STAB2: variants seen among roughly 807,000 people sequenced by gnomAD.
STAB2 encodes the protein stabilin-2.
STAB2 carries 288 observed loss-of-function variants against 338.1 expected under a neutral mutation model. The ratio of observed to expected loss-of-function variants is 0.85; its 90% CI spans 0.77 to 0.94. STAB2 has a LOEUF of 0.94. Ranked by LOEUF, STAB2 falls within the 40% of genes least tolerant of loss-of-function variation. The pLI is 0.00. For synonymous variants in STAB2, 1,202 were observed against 1,193.3 expected, an observed-to-expected ratio of 1.01 and a Z score of -0.15; for missense variants, 3,141 against 3,210.1, an observed-to-expected ratio of 0.98 and a Z score of 0.52.
intron 40 of STAB2, among the ~76,000 whole-genome samples, chr12:103,711,895 G>T: frequency 6.6e-6 from 1 of 152,178 alleles, no homozygotes. Flanking sequence ...AATGAATTAA[G>T]TACCTAGTAG....
chr12:103,748,577 C>T (rs1883265707), intron 58 of STAB2, among the ~76,000 whole-genome samples: 2 of 146,326 alleles, frequency 1.4e-5, no homozygotes, highest in South Asian at 4.3e-4. Flanking sequence ...ATTGTACTAA[C>T]TCTACACCAC....
intron 31 of STAB2, 80 bp downstream of exon 31, chr12:103,692,969 T>A (rs557969789): frequency 3.3e-5 from 38 of 1,159,748 alleles, no homozygotes; most frequent in African/African-American, 1.9e-4. Flanking sequence ...TTTTTTTTTT[T>A]AAATAGAAAA....
chr12:103,755,760 G>T (rs1298353925), intron 63 of STAB2, 42 bp downstream of exon 63: 1 of 1,601,820 alleles, frequency 6.2e-7, no homozygotes, highest in Non-Finnish European at 8.6e-7. Flanking sequence ...GCAGGGAGGG[G>T]TTGCCTCAAA....
In STAB2 at chr12:103,690,521, T is replaced by A; in HGVS notation, c.3280T>A (p.Leu1094Met). The change falls in exon 30 of 69, where the codon TTG becomes ATG. Residue 1094 changes from leucine (L) to methionine (M), a missense_variant. Physicochemically the swap from Leu to Met is conservative, Grantham distance 15. Transcript: ENST00000388887. ...ATCTTTGCAGGGCAACTTCCTTCACTTGGCAAAGGTGGATGGGGTAAGAGC... is the reference window on the plus strand; with the variant it reads ...ATCTTTGCAGGGCAACTTCCTTCACATGGCAAAGGTGGATGGGGTAAGAGC... ...ATSLQGNFLHLAKVDGNITIE... is the reference protein window; with the variant it reads ...ATSLQGNFLHMAKVDGNITIE... 1.2e-6 allele frequency: 2 copies of A among 1,614,040 alleles called. No individual in the cohort carries two copies. Among genetic ancestry groups the A allele is most frequent in the Non-Finnish European group, 1.7e-6 (2 of 1,179,924 alleles).
intron 3 of STAB2, among the ~76,000 whole-genome samples, chr12:103,604,083 T>A (rs1956991789): frequency 6.6e-6 from 1 of 152,148 alleles, no homozygotes; most frequent in Non-Finnish European, 1.5e-5. Flanking sequence ...ATTACTAAAT[T>A]GATGTGTTCT....
intron 27 of STAB2, among the ~76,000 whole-genome samples, chr12:103,685,458 G>A (rs556063132): frequency 2.3e-4 from 25 of 106,876 alleles, no homozygotes; most frequent in Admixed American, 1.5e-3. Context: ...GTGTGTGCGC[G>A]TGCGTGTGTG....
chr12:103,692,388 G>T lies in STAB2; in HGVS notation c.3298-424G>T, dbSNP rs1001925401. ...GGGTTAGGATTTCAGTATACAAATT[G>T]TGGGGGCAGGGGGGGACACAGCTCA... On this transcript the variant is annotated intron_variant, in intron 30 of 68. Transcript: ENST00000388887. 1.7e-4 allele frequency among the ~76,000 whole-genome samples: 21 copies of T among 126,878 alleles called. No individual in the cohort carries two copies. In the East Asian group the frequency reaches 5.8e-3, roughly 35 times the overall value. The allele number at this position is 126,878 out of a possible 152,430, so 83.2% of individuals were successfully genotyped here. A position where few individuals can be genotyped will look rare whatever the true frequency, so the allele number is the denominator to read the frequency against.
At chr12:103,740,513 G>A (rs1882492999) in intron 54 of STAB2, 117 bp from the exon 55 acceptor site, 1 of 1,418,718 alleles carries the variant, frequency 7.0e-7, no homozygotes, top group South Asian at 1.5e-5. Flanking sequence ...GCTCACACTG[G>A]AAGTCCCATT....
chr12:103,607,130 G>A (rs1283590209), intron 3 of STAB2, among the ~76,000 whole-genome samples: 3 of 152,062 alleles, frequency 2.0e-5, no homozygotes, highest in African/African-American at 7.2e-5. Context: ...TTTTATTATA[G>A]TGTGTAGTTT....
rs144865177 is a variant in STAB2, at chr12:103,662,767, A to G, written c.1870-79A>G. 7.2e-4 allele frequency: 1,099 copies of G among 1,529,178 alleles called. 9 individuals carry two copies. The African/African-American group carries it at 0.013, about 19-fold the overall frequency. The allele number at this position is 1,529,178 out of a possible 1,614,324, so 94.7% of individuals were successfully genotyped here. ...AGGACTTTTTAGCAAAGTTGCCACC[A>G]TTCAGTCTGCCTGAGGATCACTGGC... On this transcript the variant is annotated intron_variant, in intron 17 of 68. Coordinates refer to ENST00000388887, the MANE Select transcript of STAB2 (RefSeq NM_017564.10).
chr12:103,612,535 G>T (rs997904169), intron 3 of STAB2, among the ~76,000 whole-genome samples: 1 of 152,108 alleles, frequency 6.6e-6, no homozygotes, highest in East Asian at 1.9e-4. Context: ...TTTCAGCTCC[G>T]TCAGGTCCTT....
chr12:103,707,131 T>C, intron 38 of STAB2, 144 bp downstream of exon 38: 1 of 845,168 alleles, frequency 1.2e-6, no homozygotes, highest in South Asian at 1.8e-5. Flanking sequence ...TCACTGTGAA[T>C]TATAAGAGCA....
intron 64 of STAB2, among the ~76,000 whole-genome samples, chr12:103,758,599 C>T (rs1884308691): frequency 6.6e-6 from 1 of 152,186 alleles, no homozygotes; most frequent in Non-Finnish European, 1.5e-5. Flanking sequence ...CCCAACAGTG[C>T]TTTCTCAAGC....
At chr12:103,593,783 G>A (rs911352882) in intron 2 of STAB2, among the ~76,000 whole-genome samples, 6 of 152,220 alleles carry the variant, frequency 3.9e-5, no homozygotes, top group Non-Finnish European at 8.8e-5. Flanking sequence ...AGCCATGCCT[G>A]CAGAGATCCC....
At chr12:103,596,896 T>C (rs1435338614) in intron 3 of STAB2, among the ~76,000 whole-genome samples, 1 of 129,250 alleles carries the variant, frequency 7.7e-6, no homozygotes, top group East Asian at 2.3e-4. Flanking sequence ...GAGGTTGCAA[T>C]GAGCCAAGAT....
intron 30 of STAB2, among the ~76,000 whole-genome samples, chr12:103,692,577 C>T (rs533026994): frequency 1.1e-3 from 160 of 148,910 alleles, no homozygotes; most frequent in African/African-American, 3.7e-3. Flanking sequence ...CTTTTTCTTT[C>T]TCTCTCTCTC....
intron 64 of STAB2, among the ~76,000 whole-genome samples, 196 bp from the exon 65 acceptor site, chr12:103,758,937 C>T (rs1884337473): frequency 6.6e-6 from 1 of 152,204 alleles, no homozygotes; most frequent in Non-Finnish European, 1.5e-5. Context: ...TTCAATCCCC[C>T]ATCCTAGCTA....
At chr12:103,743,587 C>T (rs920794317) in intron 56 of STAB2, among the ~76,000 whole-genome samples, 6 of 152,204 alleles carry the variant, frequency 3.9e-5, no homozygotes, top group Non-Finnish European at 8.8e-5. Flanking sequence ...TTCGGCAGTG[C>T]GGGAAAGACT....
chr12:103,674,115 T>C (rs1566003793), intron 23 of STAB2, 28 bp downstream of exon 23: 1 of 1,595,598 alleles, frequency 6.3e-7, no homozygotes, highest in Non-Finnish European at 8.6e-7. Flanking sequence ...TGGCCCTTAA[T>C]GACGCTGAGT....
Sources: allele counts gnomAD v4.1 joint callset (sites outside exome capture counted in the v4.1 genomes callset), GRCh38; gene constraint gnomAD v4.1.1; transcripts MANE v1.5; gene names NCBI Gene and HGNC (gene_info 2026-07-23, HGNC 2026-07-21).